Variants in ANK3 observed in about 807,000 individuals in gnomAD.
The protein encoded by ANK3 is ankyrin-3.
ANK3 carries 57 observed loss-of-function variants against 370.9 expected under a neutral mutation model. That is an observed-to-expected ratio of 0.15 (90% confidence interval 0.12 to 0.19). The LOEUF (loss-of-function observed/expected upper bound fraction) is 0.19, where lower values mean the gene tolerates loss of function less well. Ranked by LOEUF, ANK3 falls within the 10% of genes least tolerant of loss-of-function variation. ANK3 has a pLI of 1.00. For synonymous variants in ANK3, 1,929 were observed against 1,946.3 expected (o/e 0.99, Z 0.23); for missense variants, 4,439 against 5,302.1 (o/e 0.84, Z 5.06).
chr10:60,254,503 G>C (rs1329840796), intron 7 of ANK3, among the ~76,000 whole-genome samples: 1 of 152,158 alleles, frequency 6.6e-6, no homozygotes, highest in African/African-American at 2.4e-5. Context: ...GGCCTTCACA[G>C]CCCAGAGCCT....
intron 1 of ANK3, among the ~76,000 whole-genome samples, chr10:60,320,344 A>G (rs1443990546): frequency 1.3e-5 from 2 of 152,218 alleles, no homozygotes; most frequent in African/African-American, 4.8e-5. Flanking sequence ...CTCTAATCCC[A>G]GCATTTTGGG....
At chr10:60,068,258 T>A (rs1190136200) in intron 37 of ANK3, among the ~76,000 whole-genome samples, 1 of 152,194 alleles carries the variant, frequency 6.6e-6, no homozygotes, top group African/African-American at 2.4e-5. Flanking sequence ...CTAGCTAGTT[T>A]AAACAGTTAC....
intron 2 of ANK3, among the ~76,000 whole-genome samples, chr10:60,429,280 A>G (rs141574184): frequency 2.6e-5 from 4 of 152,278 alleles, no homozygotes; most frequent in African/African-American, 7.2e-5. Flanking sequence ...CAAGCAGCCT[A>G]TCTTCCTTCC....
intron 12 of ANK3, among the ~76,000 whole-genome samples, chr10:60,201,454 G>A (rs2096672197): frequency 6.6e-6 from 1 of 152,098 alleles, no homozygotes; most frequent in Non-Finnish European, 1.5e-5. Flanking sequence ...TATGTCTATG[G>A]TCTGTTGTGC....
At chr10:60,657,756 C>T (rs902953842) in intron 1 of ANK3, among the ~76,000 whole-genome samples, 2 of 152,026 alleles carry the variant, frequency 1.3e-5, no homozygotes, top group Non-Finnish European at 2.9e-5. Flanking sequence ...TTGTTCTAAT[C>T]TTCTATAGAC....
intron 7 of ANK3, among the ~76,000 whole-genome samples, chr10:60,241,215 G>C (rs998438687): frequency 6.6e-6 from 1 of 152,064 alleles, no homozygotes; most frequent in East Asian, 1.9e-4. Flanking sequence ...AGTATGGCTA[G>C]AATTAAAGAT....
chr10:60,487,112 C>A (rs969010157), intron 2 of ANK3, among the ~76,000 whole-genome samples: 5 of 152,190 alleles, frequency 3.3e-5, no homozygotes, highest in African/African-American at 1.2e-4. Context: ...GAACCTAATT[C>A]TTGAGAGGGG....
chr10:60,059,366 A>G lies in ANK3; in HGVS notation c.12660T>C (p.Gly4220=), dbSNP rs1436857678. The G allele has an allele frequency of 7.4e-6, 12 of 1,613,966 alleles. No homozygotes were observed. The highest frequency in any genetic ancestry group is 8.5e-6 in the Non-Finnish European group (10 of 1,179,908). The part of the protein sequence containing the change: ...ESCAQARRVT[G]GLLDRLDDSP... ...TGTCATCCAGTCGATCTAGTAACCCACCAGTTACTCTTCGAGCTTGAGCGC... is the reference window on the plus strand; with the variant it reads ...TGTCATCCAGTCGATCTAGTAACCCGCCAGTTACTCTTCGAGCTTGAGCGC... Residue 4220 remains glycine, a synonymous_variant, in exon 41 of 44, where the codon GGT becomes GGC. Coordinates refer to ENST00000280772, the MANE Select transcript of ANK3 (RefSeq NM_020987.5).
chr10:60,542,913 G>C (rs2076881535), intron 2 of ANK3, among the ~76,000 whole-genome samples: 1 of 151,826 alleles, frequency 6.6e-6, no homozygotes, highest in South Asian at 2.1e-4. Context: ...ACAACACTAA[G>C]GTAATTAACA....
chr10:60,223,953 T>C (rs1472112291), intron 8 of ANK3, among the ~76,000 whole-genome samples: 2 of 152,124 alleles, frequency 1.3e-5, no homozygotes, highest in Admixed American at 1.3e-4. Flanking sequence ...TTTTTTTTTT[T>C]TGAAGCGGAA....
intron 2 of ANK3, among the ~76,000 whole-genome samples, chr10:60,409,995 T>C (rs1274777564): frequency 6.6e-6 from 1 of 152,094 alleles, no homozygotes; most frequent in Non-Finnish European, 1.5e-5. Flanking sequence ...TCTGGTCCAC[T>C]ACCAGTCCCT....
At chr10:60,034,159 T>G (rs1416062971) in intron 43 of ANK3, among the ~76,000 whole-genome samples, 1 of 138,996 alleles carries the variant, frequency 7.2e-6, no homozygotes, top group Non-Finnish European at 1.5e-5. Flanking sequence ...CATGCTGGAA[T>G]GCAAAGGCAT....
intron 1 of ANK3, among the ~76,000 whole-genome samples, chr10:60,343,492 G>T (rs1448180263): frequency 6.6e-6 from 1 of 152,082 alleles, no homozygotes; most frequent in Non-Finnish European, 1.5e-5. Context: ...GGAAAGAAAG[G>T]GGAGTATAAG....
intron 1 of ANK3, among the ~76,000 whole-genome samples, chr10:60,346,843 TAC>T (rs2055632643): frequency 6.6e-6 from 1 of 152,024 alleles, no homozygotes; most frequent in African/African-American, 2.4e-5. Context: ...TTGAATTATT[TAC>T]AGAGAATGGG....
At chr10:60,162,135 T>C (rs774204931) in intron 23 of ANK3, among the ~76,000 whole-genome samples, 1 of 152,200 alleles carries the variant, frequency 6.6e-6, no homozygotes, top group Non-Finnish European at 1.5e-5. Flanking sequence ...CCTCCTTTTT[T>C]TGAAGCTAAA....
At chr10:60,435,921 A>T (rs2064144083) in intron 2 of ANK3, among the ~76,000 whole-genome samples, 1 of 152,148 alleles carries the variant, frequency 6.6e-6, no homozygotes, top group Non-Finnish European at 1.5e-5. Flanking sequence ...CCCCGTCTCT[A>T]CTAAAAATAC....
intron 2 of ANK3, among the ~76,000 whole-genome samples, chr10:60,433,017 G>T (rs141142604): frequency 7.9e-5 from 12 of 152,238 alleles, no homozygotes; most frequent in African/African-American, 2.9e-4. Context: ...CAAGACAGTG[G>T]GATCATGATG....
Position 60,246,279 on chromosome 10 carries a change from AAAG to A in ANK3, c.799-11496_799-11494del, listed in dbSNP as rs1169529993. ...TCAAAAAAAAAAAAAAAAAAAAAAA[AAAG>A]AAAAAAGAAAAAAAGATGATCACCA... On this transcript the variant is annotated intron_variant, in intron 7 of 43. Transcript: ENST00000280772. Among the ~76,000 whole-genome samples the A allele has an allele frequency of 1.5e-3, 200 of 134,006 alleles. 1 individual carries two copies. The highest frequency in any genetic ancestry group is 4.4e-3 in the East Asian group (16 of 3,596). The allele number at this position is 134,006 out of a possible 152,430, so 87.9% of individuals were successfully genotyped here.
chr10:60,150,114 T>A (rs2095038210), intron 23 of ANK3, among the ~76,000 whole-genome samples: 1 of 152,058 alleles, frequency 6.6e-6, no homozygotes, highest in Non-Finnish European at 1.5e-5. Context: ...CCTTCACCAC[T>A]CCCTTTCCAT....
Sources: gnomAD v4.1 joint callset for allele counts (sites outside exome capture counted in the v4.1 genomes callset) on GRCh38, gnomAD v4.1.1 for gene constraint, MANE v1.5 for transcripts, NCBI Gene and HGNC (gene_info 2026-07-23, HGNC 2026-07-21) for gene names.